ZBTB7B: variants seen among roughly 807,000 people sequenced by gnomAD.
ZBTB7B encodes zinc finger and BTB domain containing 7B, also known as zinc finger and BTB domain-containing protein 7B.
A neutral mutation model predicts 31.0 loss-of-function variants in ZBTB7B; 8 were observed. The ratio of observed to expected loss-of-function variants is 0.26; its 90% CI spans 0.15 to 0.47. The LOEUF is 0.47. ZBTB7B is among the 20% of genes least tolerant of loss of function. The probability of loss-of-function intolerance (pLI) is 0.99; values close to 1 mark genes in which losing one functional copy is unlikely to be tolerated. For missense variants in ZBTB7B, 494 were observed against 742.4 expected, an observed-to-expected ratio of 0.67 and a Z score of 3.89; for synonymous variants, 261 against 307.3, an observed-to-expected ratio of 0.85 and a Z score of 1.58.
In ZBTB7B at chr1:155,015,291, A is replaced by T; in HGVS notation, c.631A>T (p.Thr211Ser). ...SRKPRKAFLQ[T>S]KGARANHLVP... Reference sequence around the variant, plus strand: ...CAAGCCCCGGAAAGCTTTCCTGCAAACCAAGGGGGCCAGAGCAAACCACCT... The same window carrying T: ...CAAGCCCCGGAAAGCTTTCCTGCAATCCAAGGGGGCCAGAGCAAACCACCT... The change falls in exon 2 of 3, where the codon ACC (threonine) becomes TCC (serine). Residue 211 changes from threonine (T) to serine (S), a missense_variant. Physicochemically the swap from Thr to Ser is moderately conservative, Grantham distance 58. Transcript: ENST00000535420. 6.2e-7 allele frequency: 1 copy of T among 1,612,896 alleles called. No homozygotes were observed. Among genetic ancestry groups the T allele is most frequent in the South Asian group, 1.1e-5 (1 of 90,958 alleles).
chr1:155,005,067 C>T (rs1266087103), intron 1 of ZBTB7B, among the ~76,000 whole-genome samples: 2 of 152,120 alleles, frequency 1.3e-5, no homozygotes, highest in Admixed American at 1.3e-4. Context: ...CCCCCTGGCA[C>T]CCAGGGCCCC....
In ZBTB7B at chr1:155,015,255, C is replaced by G. The variant is rs766447632; in HGVS notation, c.595C>G (p.Arg199Gly). ...GCCACCGCCACCTCGGCCTGTTGCC[C>G]GCCGCAGCCGCAAGCCCCGGAAAGC... ...PPPPPPRPVA[R>G]RSRKPRKAFL... is the part of the protein sequence containing the mutation. Residue 199 changes from arginine (R) to glycine (G), a missense_variant, in exon 2 of 3, where the codon CGC becomes GGC. Arg to Gly is a moderately radical substitution (Grantham distance 125). This residue lies in a region of ZBTB7B where 216 missense variants were observed against 229.3 expected (regional missense o/e 0.94). Transcript: ENST00000535420. The G allele has an allele frequency of 1.2e-6, 2 of 1,613,604 alleles. No individual in the cohort carries two copies. Among genetic ancestry groups the G allele is most frequent in the East Asian group, 2.2e-5 (1 of 44,892 alleles).
chr1:155,011,801 G>A (rs1336355069), intron 1 of ZBTB7B, among the ~76,000 whole-genome samples: 1 of 152,214 alleles, frequency 6.6e-6, no homozygotes, highest in Non-Finnish European at 1.5e-5. Context: ...CCAAGGTAGG[G>A]TGGGCACCCT....
chr1:155,015,591 G>C lies in ZBTB7B; in HGVS notation c.931G>C (p.Asp311His), dbSNP rs138808667. Residue 311 changes from aspartate (D) to histidine (H), a missense_variant, in exon 2 of 3, where the codon GAT (aspartate) becomes CAT (histidine). Asp to His is a moderately conservative substitution (Grantham distance 81). Around this residue, in one of 5 missense-constraint regions of ZBTB7B, gnomAD observed 216 missense variants for 229.3 expected, o/e 0.94. Transcript: ENST00000535420. ...GCTGGGCTCAGATGAGGATGCCATC[G>C]ATCCTGACCTGATGGCCTACCTAAG... ...EELGSDEDAI[D>H]PDLMAYLSSL... 4.3e-6 allele frequency: 7 copies of C among 1,613,566 alleles called. No individual in the cohort carries two copies. The highest frequency in any genetic ancestry group is 5.9e-6 in the Non-Finnish European group (7 of 1,179,918).
chr1:155,003,914 C>T lies in ZBTB7B; in HGVS notation c.-7+971C>T, dbSNP rs1658400656. Among the ~76,000 whole-genome samples the T allele has an allele frequency of 6.6e-6, 1 of 152,012 alleles. No homozygotes were observed. The highest frequency in any genetic ancestry group is 2.1e-4 in the South Asian group (1 of 4,832). On this transcript the variant is annotated intron_variant, in intron 1 of 2. Coordinates refer to ENST00000535420, the MANE Select transcript of ZBTB7B (RefSeq NM_001256455.2). The surrounding 1 kb of genome is among the most constrained non-coding windows in gnomAD (Gnocchi z 5.8). ...GGTGGGGGCGGGAGTGGGGGGGCGG[C>T]GTGGGCAGCGGGTTGTGCCCGGACA...
At chr1:155,012,689 T>G (rs1234604464) in intron 1 of ZBTB7B, among the ~76,000 whole-genome samples, 1 of 151,774 alleles carries the variant, frequency 6.6e-6, no homozygotes, top group Non-Finnish European at 1.5e-5. Flanking sequence ...CACCCAAGGT[T>G]TCTGTGCAGG....
Position 155,015,230 on chromosome 1 carries a change from G to A in ZBTB7B, c.570G>A (p.Pro190=), listed in dbSNP as rs138516998. The A allele has an allele frequency of 5.0e-3, 8,095 of 1,613,434 alleles. 42 individuals are homozygous for A. Among genetic ancestry groups the A allele is most frequent in the Non-Finnish European group, 5.3e-3 (6,230 of 1,179,834 alleles). The part of the protein sequence containing the change: ...SPPQVPLPPP[P]PPPPRPVARR... Reference sequence around the variant, plus strand: ...CACAGGTGCCCCTCCCACCACCTCCGCCACCGCCACCTCGGCCTGTTGCCC... The same window carrying A: ...CACAGGTGCCCCTCCCACCACCTCCACCACCGCCACCTCGGCCTGTTGCCC... The change falls in exon 2 of 3, where the codon CCG becomes CCA. Residue 190 remains proline (P), a synonymous_variant. Transcript: ENST00000535420.
rs1659584301 is a variant in ZBTB7B, at chr1:155,017,922, C to T, written c.*1237C>T. 6.5e-6 allele frequency: 1 copy of T among 153,532 alleles called. No homozygotes were observed. The highest frequency in any genetic ancestry group is 6.5e-5 in the Admixed American group (1 of 15,450). The allele number at this position is 153,532 out of a possible 1,614,324, so 9.5% of individuals were successfully genotyped here. On this transcript the variant is annotated 3_prime_UTR_variant, in exon 3 of 3. Transcript: ENST00000535420. ...CTGCTCTTAGGATTGAATCCACCCC[C>T]ATTCTGTACATAGCCTCTTCTGTTG...
chr1:155,011,570 G>C (rs1055173892), intron 1 of ZBTB7B, among the ~76,000 whole-genome samples: 5 of 152,190 alleles, frequency 3.3e-5, no homozygotes, highest in Non-Finnish European at 5.9e-5. Context: ...GCGGGAAAGA[G>C]GGGAGTGATG....
intron 1 of ZBTB7B, among the ~76,000 whole-genome samples, chr1:155,009,150 G>A (rs1658767295): frequency 6.6e-6 from 1 of 152,198 alleles, no homozygotes; most frequent in Non-Finnish European, 1.5e-5. Context: ...AATGTGGGGA[G>A]GCCTCAGTGT....
At chr1:155,007,393 G>T (rs1272783719) in intron 1 of ZBTB7B, among the ~76,000 whole-genome samples, 21 of 152,220 alleles carry the variant, frequency 1.4e-4, no homozygotes, top group Admixed American at 1.4e-3. Flanking sequence ...GCAGGCTGCA[G>T]GCACTAGGGC....
chr1:155,008,214 T>C (rs1443302103), intron 1 of ZBTB7B, among the ~76,000 whole-genome samples: 1 of 152,134 alleles, frequency 6.6e-6, no homozygotes, highest in African/African-American at 2.4e-5. Context: ...CCCCTGGCTA[T>C]TGGGGGCTGG....
At chr1:155,009,928 G>C (rs949452646) in intron 1 of ZBTB7B, among the ~76,000 whole-genome samples, 1 of 152,070 alleles carries the variant, frequency 6.6e-6, no homozygotes, top group African/African-American at 2.4e-5. Flanking sequence ...AGGAGGCCTA[G>C]GGACACTGAT....
In ZBTB7B at chr1:155,016,142, G is replaced by C; in HGVS notation, c.1155-78G>C. 4 of 1,480,178 alleles carry C rather than the reference G, an allele frequency of 2.7e-6. No individual in the cohort carries two copies. Among genetic ancestry groups the C allele is most frequent in the Non-Finnish European group, 3.7e-6 (4 of 1,078,774 alleles). 91.7% of individuals were successfully genotyped at this position (1,480,178 alleles called of 1,614,324 possible). A position where few individuals can be genotyped will look rare whatever the true frequency, so the allele number is the denominator to read the frequency against. ...ATGGTGAGGAACAGGGATGGGACAA[G>C]GCCAGGGTGGGATGACCAGGAGGAG... On this transcript the variant is annotated intron_variant, in intron 2 of 2. Coordinates refer to ENST00000535420, the MANE Select transcript of ZBTB7B (RefSeq NM_001256455.2). The surrounding 1 kb of genome is among the most constrained non-coding windows in gnomAD (Gnocchi z 4.3).
At chr1:155,014,062 T>C (rs914886029) in intron 1 of ZBTB7B, 2 of 986,414 alleles carry the variant, frequency 2.0e-6, no homozygotes, top group African/African-American at 3.5e-5. Context: ...AGCACCTGTC[T>C]GTGCCTGGCC....
intron 1 of ZBTB7B, among the ~76,000 whole-genome samples, chr1:155,008,349 G>T (rs545356506): frequency 6.6e-6 from 1 of 152,300 alleles, no homozygotes; most frequent in South Asian, 2.1e-4. Flanking sequence ...GCCCCTGAGG[G>T]CCCCAGCCCA....
chr1:155,015,311 C>A lies in ZBTB7B; in HGVS notation c.651C>A (p.Asn217Lys), dbSNP rs1313793339. The stretch of plus-strand genomic sequence containing the variant: ...TGCAAACCAAGGGGGCCAGAGCAAA[C>A]CACCTAGTCCCTGAGGTGCCCACAG... ...AFLQTKGARA[N>K]HLVPEVPTVP... Residue 217 changes from asparagine to lysine, a missense_variant, in exon 2 of 3, where the codon AAC becomes AAA. Coordinates refer to ENST00000535420, the MANE Select transcript of ZBTB7B (RefSeq NM_001256455.2). The A allele has an allele frequency of 6.2e-7, 1 of 1,608,932 alleles. No individual in the cohort carries two copies. The highest frequency in any genetic ancestry group is 1.1e-5 in the South Asian group (1 of 90,636).
At chr1:155,013,613 C>T (rs1659150791) in intron 1 of ZBTB7B, among the ~76,000 whole-genome samples, 1 of 152,146 alleles carries the variant, frequency 6.6e-6, no homozygotes, top group Non-Finnish European at 1.5e-5. Flanking sequence ...TGTGGCTGGG[C>T]CTTGGAGGGT....
intron 1 of ZBTB7B, among the ~76,000 whole-genome samples, chr1:155,013,659 C>T (rs1385709878): frequency 5.9e-5 from 8 of 136,512 alleles, no homozygotes; most frequent in South Asian, 5.5e-4. Flanking sequence ...CTTCTGGAGA[C>T]GGGGCTCTCC....
Sources: gnomAD v4.1 joint callset for allele counts (sites outside exome capture counted in the v4.1 genomes callset) on GRCh38, gnomAD v4.1.1 for gene constraint, gnomAD v4.1.1 regional missense constraint, Gnocchi (gnomAD v3.1) non-coding constraint, MANE v1.5 for transcripts, NCBI Gene and HGNC (gene_info 2026-07-23, HGNC 2026-07-21) for gene names.